The following CADPS2 variants were observed in gnomAD, a reference collection of about 807,000 sequenced individuals.
The protein encoded by CADPS2 is calcium dependent secretion activator 2, also known as calcium-dependent secretion activator 2.
Under a neutral mutation model 172.5 loss-of-function variants are expected in CADPS2, and 93 were observed. That is an observed-to-expected ratio of 0.54 (90% confidence interval 0.46 to 0.64). CADPS2 has a LOEUF of 0.64. CADPS2 is among the 30% of genes least tolerant of loss of function. The pLI, the probability that CADPS2 is intolerant of heterozygous loss-of-function variation, is 0.00. For missense variants in CADPS2, 1,420 were observed against 1,565.9 expected, an observed-to-expected ratio of 0.91 and a Z score of 1.57; for synonymous variants, 546 against 555.2, an observed-to-expected ratio of 0.98 and a Z score of 0.23.
At chr7:122,534,100 C>T (rs1170649467) in intron 8 of CADPS2, among the ~76,000 whole-genome samples, 2 of 152,076 alleles carry the variant, frequency 1.3e-5, no homozygotes, top group Admixed American at 1.3e-4. Flanking sequence ...CTGTGTATTA[C>T]CTAATTTGCC....
intron 1 of CADPS2, among the ~76,000 whole-genome samples, chr7:122,738,513 C>T (rs927741446): frequency 2.6e-5 from 4 of 151,716 alleles, no homozygotes; most frequent in African/African-American, 4.8e-5. Flanking sequence ...CCATTTCATT[C>T]GATCCTGATC....
chr7:122,696,182 T>C (rs1473355809), intron 2 of CADPS2, among the ~76,000 whole-genome samples: 1 of 152,162 alleles, frequency 6.6e-6, no homozygotes, highest in Non-Finnish European at 1.5e-5. Flanking sequence ...GCAGCTAATT[T>C]ATCCTTTTAG....
intron 28 of CADPS2, among the ~76,000 whole-genome samples, chr7:122,332,848 C>T (rs2035211532): frequency 6.6e-6 from 1 of 152,166 alleles, no homozygotes; most frequent in Non-Finnish European, 1.5e-5. Context: ...CCTCTTTCTT[C>T]AAACTACATG....
intron 1 of CADPS2, among the ~76,000 whole-genome samples, chr7:122,789,900 A>C (rs530126829): frequency 6.6e-6 from 1 of 152,334 alleles, no homozygotes; most frequent in African/African-American, 2.4e-5. Flanking sequence ...AGCATGTCAT[A>C]GAAAATGAAA....
chr7:122,491,034 C>A (rs1172596349), intron 10 of CADPS2, among the ~76,000 whole-genome samples: 1 of 152,110 alleles, frequency 6.6e-6, no homozygotes, highest in Non-Finnish European at 1.5e-5. Context: ...AAAGAAGTTT[C>A]TGAAAACATT....
intron 8 of CADPS2, among the ~76,000 whole-genome samples, chr7:122,549,903 C>T (rs1471857199): frequency 6.6e-6 from 1 of 152,108 alleles, no homozygotes; most frequent in Non-Finnish European, 1.5e-5. Flanking sequence ...TGTTTAAAGC[C>T]TGGACTCTTT....
chr7:122,372,766 A>ATG (rs2041922312), intron 25 of CADPS2, among the ~76,000 whole-genome samples: 1 of 152,242 alleles, frequency 6.6e-6, no homozygotes, highest in African/African-American at 2.4e-5. Context: ...AACAGTTAAT[A>ATG]TAGAAACCGC....
At chr7:122,799,110 A>G (rs908310229) in intron 1 of CADPS2, among the ~76,000 whole-genome samples, 1 of 152,158 alleles carries the variant, frequency 6.6e-6, no homozygotes, top group African/African-American at 2.4e-5. Flanking sequence ...AATAGATTCA[A>G]GTTTGTAGTC....
intron 14 of CADPS2, among the ~76,000 whole-genome samples, chr7:122,466,450 G>A (rs1016713270): frequency 5.9e-5 from 9 of 152,136 alleles, no homozygotes; most frequent in South Asian, 2.1e-4. Flanking sequence ...GGTGGTAGGC[G>A]GGGAGGTCCC....
rs532242001 is a variant in CADPS2 at position 122,602,048 on chromosome 7, T to C, written c.1223+13133A>G. ...AGGAGAAAAATCACCATCATGGATA[T>C]ATAAATAATAGTGTCTCAGTAAGGA... On this transcript the variant is annotated intron_variant, in intron 6 of 29. Transcript: ENST00000449022. 5.5e-4 allele frequency among the ~76,000 whole-genome samples: 83 copies of C among 152,140 alleles called. 2 individuals are homozygous for C. In the South Asian group the frequency reaches 0.016, roughly 30 times the overall value.
At chr7:122,426,362 T>A (rs2049173644) in intron 17 of CADPS2, among the ~76,000 whole-genome samples, 1 of 152,196 alleles carries the variant, frequency 6.6e-6, no homozygotes, top group Non-Finnish European at 1.5e-5. Context: ...AGCTCTAACA[T>A]CACAAATTTG....
At chr7:122,612,964 A>G (rs578082171) in intron 6 of CADPS2, among the ~76,000 whole-genome samples, 1 of 152,262 alleles carries the variant, frequency 6.6e-6, no homozygotes, top group East Asian at 1.9e-4. Flanking sequence ...TTTTTCAACA[A>G]ATGGTGTTGG....
rs187672676 is a variant in CADPS2, at chr7:122,665,400, T to A, written c.454-1831A>T. The stretch of plus-strand genomic sequence containing the variant: ...GCTCAAATATTTCGGCTGACAGACT[T>A]CCGTACTGAAACACTGGTAGTAAAT... On this transcript the variant is annotated intron_variant, in intron 2 of 29. Coordinates refer to ENST00000449022, the MANE Select transcript of CADPS2 (RefSeq NM_017954.11). Among the ~76,000 whole-genome samples the A allele has an allele frequency of 2.0e-5, 3 of 152,296 alleles. 1 individual carries two copies. Among genetic ancestry groups the A allele is most frequent in the Admixed American group, 2.0e-4 (3 of 15,288 alleles).
chr7:122,448,960 C>T (rs546201263), intron 15 of CADPS2, among the ~76,000 whole-genome samples: 2 of 152,180 alleles, frequency 1.3e-5, no homozygotes, highest in East Asian at 3.9e-4. Flanking sequence ...TGTTATCTTA[C>T]TACTAGTCTG....
Position 122,679,266 on chromosome 7 carries a change from G to GGC in CADPS2, c.454-15698_454-15697insGC, listed in dbSNP as rs1554715343. ...AGCCCTGGGAAAAGAATGCATTCCT[G>GGC]GGGGGGGGGGGCTCTAAAATGGCCA... is the stretch of plus-strand genomic sequence containing the variant. On this transcript the variant is annotated intron_variant, in intron 2 of 29. Transcript: ENST00000449022. 4.4e-3 allele frequency among the ~76,000 whole-genome samples: 108 copies of GGC among 24,426 alleles called. 24 individuals are homozygous for GGC. The South Asian group carries it at 0.22, about 49-fold the overall frequency. 16.0% of individuals were successfully genotyped at this position (24,426 alleles called of 152,430 possible). A position where few individuals can be genotyped will look rare whatever the true frequency, so the allele number is the denominator to read the frequency against.
At chr7:122,325,409 A>G in intron 29 of CADPS2, 68 bp downstream of exon 29, 1 of 970,618 alleles carries the variant, frequency 1.0e-6, no homozygotes, top group Non-Finnish European at 1.6e-6. Context: ...GTTTTCTTGT[A>G]TGTCAGTATC....
chr7:122,829,088 C>G (rs1805756260), intron 1 of CADPS2, among the ~76,000 whole-genome samples: 1 of 152,102 alleles, frequency 6.6e-6, no homozygotes, highest in South Asian at 2.1e-4. Flanking sequence ...AATACAAAAT[C>G]AGATACCAAA....
intron 3 of CADPS2, among the ~76,000 whole-genome samples, chr7:122,649,898 A>ATTTTT (rs71531909): frequency 3.8e-4 from 20 of 52,018 alleles, no homozygotes; most frequent in Non-Finnish European, 4.9e-4. Context: ...GTATTCAATG[A>ATTTTT]TTTTTTTTTT....
intron 27 of CADPS2, among the ~76,000 whole-genome samples, chr7:122,351,565 T>C (rs1036294234): frequency 6.6e-6 from 1 of 151,910 alleles, no homozygotes; most frequent in Non-Finnish European, 1.5e-5. Context: ...CACATCCTTT[T>C]GAAAACAGCT....
Sources: gnomAD v4.1 joint callset for allele counts (sites outside exome capture counted in the v4.1 genomes callset) on GRCh38, gnomAD v4.1.1 for gene constraint, MANE v1.5 for transcripts, NCBI Gene and HGNC (gene_info 2026-07-23, HGNC 2026-07-21) for gene names.